Variants in MAK observed in about 807,000 individuals in gnomAD.
The protein encoded by MAK is male germ cell associated kinase.
In MAK, 65 loss-of-function variants were observed where a neutral mutation model predicts 82.6. That is an observed-to-expected ratio of 0.79 (90% CI 0.64 to 0.97). The LOEUF is 0.97. Ranked by LOEUF, MAK falls within the 50% of genes least tolerant of loss-of-function variation. The probability of loss-of-function intolerance (pLI) is 0.00; values close to 1 mark genes in which losing one functional copy is unlikely to be tolerated. For missense variants in MAK, 703 were observed against 780.2 expected, an observed-to-expected ratio of 0.90 and a Z score of 1.18; for synonymous variants, 250 against 274.2, an observed-to-expected ratio of 0.91 and a Z score of 0.87.
chr6:10,796,987 G>A (rs1209394606), intron 8 of MAK, among the ~76,000 whole-genome samples: 3 of 151,912 alleles, frequency 2.0e-5, no homozygotes, highest in African/African-American at 7.3e-5. Context: ...ACCAATAATG[G>A]TTTAGAGTAC....
chr6:10,802,547 T>A (rs540127665), intron 7 of MAK: 5 of 155,814 alleles, frequency 3.2e-5, no homozygotes, highest in Non-Finnish European at 7.1e-5. Context: ...GTGATCCTCC[T>A]GCCTGGGCTT....
At chr6:10,818,807 A>G in intron 3 of MAK, 79 bp downstream of exon 3, 1 of 791,218 alleles carries the variant, frequency 1.3e-6, no homozygotes, top group Non-Finnish European at 2.2e-6. Flanking sequence ...TGCTTCCCAC[A>G]GAGAATAAAA....
At chr6:10,795,332 C>T (rs1355438730) in intron 9 of MAK, among the ~76,000 whole-genome samples, 2 of 152,008 alleles carry the variant, frequency 1.3e-5, no homozygotes, top group African/African-American at 4.8e-5. Context: ...ATCCCAGCCA[C>T]TCAGGAAGCT....
chr6:10,795,824 A>T (rs1309427281), intron 9 of MAK, among the ~76,000 whole-genome samples, 174 bp downstream of exon 9: 1 of 152,234 alleles, frequency 6.6e-6, no homozygotes, highest in Non-Finnish European at 1.5e-5. Flanking sequence ...TTCTTTTTAT[A>T]AACCATATTA....
chr6:10,769,189 G>A (rs1265855473), intron 14 of MAK, among the ~76,000 whole-genome samples: 1 of 152,158 alleles, frequency 6.6e-6, no homozygotes, highest in Non-Finnish European at 1.5e-5. Context: ...ACTCCAGCCT[G>A]GGTGACAGAG....
chr6:10,802,034 A>C lies in MAK; in HGVS notation c.689T>G (p.Leu230Arg), dbSNP rs771061280. ...AAAACGGAAGTTCATAGAGGATGCC[A>C]GCTGGTATCCTTCTGGCCAGTCACT... is the stretch of plus-strand genomic sequence containing the variant. ...KKSDWPEGYQ[L>R]ASSMNFRFPQ... is the part of the protein sequence containing the mutation. The change falls in exon 8 of 15, where the codon CTG becomes CGG. Residue 230 changes from leucine (L) to arginine (R), a missense_variant. By Grantham distance (102) the Leu-to-Arg change is moderately radical. Coordinates refer to ENST00000354489, the MANE Select transcript of MAK (RefSeq NM_001242957.3). The C allele has an allele frequency of 2.5e-6, 4 of 1,614,190 alleles. No individual in the cohort carries two copies. The highest frequency in any genetic ancestry group is 3.4e-6 in the Non-Finnish European group (4 of 1,180,026).
At chr6:10,828,128 A>G (rs1778518400) in intron 2 of MAK, among the ~76,000 whole-genome samples, 1 of 152,196 alleles carries the variant, frequency 6.6e-6, no homozygotes, top group Non-Finnish European at 1.5e-5. Context: ...ATCTGATGAT[A>G]ATGACTATTT....
chr6:10,780,516 G>A (rs1475920567), intron 11 of MAK, among the ~76,000 whole-genome samples: 2 of 148,966 alleles, frequency 1.3e-5, no homozygotes, highest in Admixed American at 1.3e-4. Flanking sequence ...GTGCAGTAGG[G>A]CGATCTCAGC....
Position 10,793,659 on chromosome 6 carries a change from TA to T in MAK, c.1144-1813del, listed in dbSNP as rs945562457. ...TAATCCCAGCTCTGGAACTCACCTA[TA>T]TAAAAATGTGTGTGTGGCGGGGCTG... On this transcript the variant is annotated intron_variant, in intron 9 of 14. Transcript: ENST00000354489. The surrounding 1 kb of genome is among the most constrained non-coding windows in gnomAD (Gnocchi z 4.6). 4.0e-5 allele frequency among the ~76,000 whole-genome samples: 6 copies of T among 151,678 alleles called. No individual in the cohort carries two copies. Among genetic ancestry groups the T allele is most frequent in the Admixed American group, 6.6e-5 (1 of 15,240 alleles).
rs1776202832 is a variant in MAK, at chr6:10,803,840, A to G, written c.543T>C (p.Ile181=). ...TGATACTTCCAACAGCCCACACATC[A>G]ATGGGAGAACTATAAACTGAAGATC... ...LLRSSVYSSP[I]DVWAVGSIMA... Residue 181 remains isoleucine (I), a synonymous_variant, in exon 7 of 15, where the codon ATT becomes ATC. Coordinates refer to ENST00000354489, the MANE Select transcript of MAK (RefSeq NM_001242957.3). The G allele has an allele frequency of 1.2e-6, 2 of 1,614,104 alleles. No individual in the cohort carries two copies. Among genetic ancestry groups the G allele is most frequent in the Middle Eastern group, 1.6e-4 (1 of 6,062 alleles).
At chr6:10,807,713 G>A (rs954879991) in intron 6 of MAK, among the ~76,000 whole-genome samples, 2 of 151,940 alleles carry the variant, frequency 1.3e-5, no homozygotes, top group Non-Finnish European at 2.9e-5. Context: ...TAAGAGTAGA[G>A]CTTGATGAAT....
intron 8 of MAK, among the ~76,000 whole-genome samples, chr6:10,801,013 C>T (rs1775976947): frequency 6.6e-6 from 1 of 152,084 alleles, no homozygotes; most frequent in Admixed American, 6.6e-5. Context: ...CTCATATGTT[C>T]TGCAACATTC....
intron 11 of MAK, among the ~76,000 whole-genome samples, chr6:10,778,333 A>C (rs753390101): frequency 8.5e-5 from 13 of 152,202 alleles, no homozygotes; most frequent in Non-Finnish European, 1.9e-4. Flanking sequence ...TCTGGGGTGG[A>C]GGGGGCAAAT....
intron 11 of MAK, chr6:10,780,204 T>C: frequency 1.1e-6 from 1 of 934,882 alleles, no homozygotes; most frequent in Non-Finnish European, 1.3e-6. Flanking sequence ...GAGTTTACTT[T>C]TTAAATCTCA....
chr6:10,802,450 T>A (rs1776095090), intron 7 of MAK: 1 of 186,092 alleles, frequency 5.4e-6, no homozygotes, highest in Non-Finnish European at 1.1e-5. Flanking sequence ...GGACTACAGG[T>A]GCGCACCATC....
chr6:10,825,492 T>C (rs1581765513), intron 2 of MAK, among the ~76,000 whole-genome samples: 1 of 152,218 alleles, frequency 6.6e-6, no homozygotes, highest in African/African-American at 2.4e-5. Context: ...TCTTTTCTTC[T>C]CCCTCTAAAG....
chr6:10,808,870 A>G lies in MAK; in HGVS notation c.431T>C (p.Phe144Ser). The change falls in exon 6 of 15, where the codon TTT (phenylalanine) becomes TCT (serine). Residue 144 changes from phenylalanine to serine, a missense_variant. Phe to Ser is a radical substitution (Grantham distance 155, BLOSUM62 -2). Transcript: ENST00000354489. ...TGACCTTAATTCTCTTGCAAGTCCA[A>G]AATCAGCAATTTTCACAAGCTCTGG... Reference protein sequence around the residue: ...MGPELVKIADFGLARELRSQP... With the variant: ...MGPELVKIADSGLARELRSQP... 6.2e-7 allele frequency: 1 copy of G among 1,613,972 alleles called. No homozygotes were observed. The highest frequency in any genetic ancestry group is 8.5e-7 in the Non-Finnish European group (1 of 1,179,882).
chr6:10,815,945 T>TATATATATATATATATATATATAAATAA (rs1171616235), intron 4 of MAK, among the ~76,000 whole-genome samples: 3 of 116,860 alleles, frequency 2.6e-5, no homozygotes, highest in African/African-American at 1.1e-4. Context: ...TATATATATA[T>TATATATATATATATATATATATAAATAA]ATGTATGTTT....
intron 12 of MAK, among the ~76,000 whole-genome samples, chr6:10,774,906 G>C (rs756746172): frequency 3.9e-5 from 6 of 152,224 alleles, no homozygotes; most frequent in African/African-American, 7.2e-5. Flanking sequence ...CCCATTTCAG[G>C]AAAGATTCAG....
Sources: allele counts gnomAD v4.1 joint callset (sites outside exome capture counted in the v4.1 genomes callset), GRCh38; gene constraint gnomAD v4.1.1; non-coding constraint Gnocchi (gnomAD v3.1); transcripts MANE v1.5; gene names NCBI Gene and HGNC (gene_info 2026-07-23, HGNC 2026-07-21).